The following B3GALT1 variants were observed in gnomAD, a reference collection of about 807,000 sequenced individuals.
The protein encoded by B3GALT1 is UDP-Gal:betaGlcNAc beta 1,3-galactosyltransferase, polypeptide 1.
B3GALT1 carries 10 observed loss-of-function variants against 23.2 expected under a neutral mutation model. That is an observed-to-expected ratio of 0.43 (90% CI 0.27 to 0.73). The LOEUF (loss-of-function observed/expected upper bound fraction) is 0.73. Ranked by LOEUF, B3GALT1 falls within the 30% of genes least tolerant of loss-of-function variation. B3GALT1 has a pLI of 0.21. For missense variants in B3GALT1, 299 were observed against 405.4 expected (o/e 0.74, Z 2.25); for synonymous variants, 156 against 141.5 (o/e 1.10, Z -0.73).
intron 4 of B3GALT1, among the ~76,000 whole-genome samples, chr2:167,846,353 C>T (rs1028790725): frequency 6.6e-6 from 1 of 152,150 alleles, no homozygotes; most frequent in African/African-American, 2.4e-5. Context: ...GAGACAGAAG[C>T]ACCAGGTAAC....
Position 167,850,356 on chromosome 2 carries a change from C to T in B3GALT1, c.-229-18455C>T, listed in dbSNP as rs369250620. On this transcript the variant is annotated intron_variant, in intron 4 of 4. Transcript: ENST00000392690. ...GAACCACAATGTCATACTACCTTACCTCTGCAAAAATGGCCATAATCAAAA... is the reference window on the plus strand; with the variant it reads ...GAACCACAATGTCATACTACCTTACTTCTGCAAAAATGGCCATAATCAAAA... Among the ~76,000 whole-genome samples, 170 of 152,224 alleles carry T rather than the reference C, an allele frequency of 1.1e-3. 2 individuals carry two copies. In the South Asian group the frequency reaches 0.035, roughly 31 times the overall value.
intron 3 of B3GALT1, among the ~76,000 whole-genome samples, chr2:167,687,663 T>C (rs1047390599): frequency 6.6e-6 from 1 of 152,110 alleles, no homozygotes; most frequent in African/African-American, 2.4e-5. Context: ...ACAAATATGC[T>C]TCCTTACAAA....
At chr2:167,442,340 C>T (rs1341497143) in intron 1 of B3GALT1, among the ~76,000 whole-genome samples, 1 of 152,094 alleles carries the variant, frequency 6.6e-6, no homozygotes, top group African/African-American at 2.4e-5. Context: ...AATAAACATA[C>T]GTGTGCATGT....
intron 1 of B3GALT1, among the ~76,000 whole-genome samples, chr2:167,354,741 A>G (rs1472017294): frequency 6.6e-6 from 1 of 152,130 alleles, no homozygotes; most frequent in Non-Finnish European, 1.5e-5. Context: ...GATCCCATTT[A>G]AAGGGCTTTA....
intron 2 of B3GALT1, among the ~76,000 whole-genome samples, chr2:167,634,445 A>G (rs142208595): frequency 4.3e-4 from 65 of 152,246 alleles, no homozygotes; most frequent in African/African-American, 1.5e-3. Flanking sequence ...AAATTGATAG[A>G]CCGCTAACCA....
At chr2:167,847,053 A>G (rs888595352) in intron 4 of B3GALT1, among the ~76,000 whole-genome samples, 5 of 152,342 alleles carry the variant, frequency 3.3e-5, no homozygotes, top group African/African-American at 9.6e-5. Context: ...ACAGCAAAAT[A>G]TCACAATCCT....
intron 1 of B3GALT1, among the ~76,000 whole-genome samples, chr2:167,361,357 C>G (rs991981833): frequency 2.6e-5 from 4 of 151,602 alleles, no homozygotes; most frequent in African/African-American, 7.3e-5. Context: ...TATGACCAGT[C>G]GTATCGTAAG....
chr2:167,797,479 T>G (rs1394433308), intron 3 of B3GALT1, among the ~76,000 whole-genome samples: 1 of 152,206 alleles, frequency 6.6e-6, no homozygotes, highest in Non-Finnish European at 1.5e-5. Context: ...TTTATATTCC[T>G]TTGGGTATAT....
intron 1 of B3GALT1, among the ~76,000 whole-genome samples, chr2:167,367,344 G>T (rs1403897): frequency 6.6e-6 from 1 of 152,072 alleles, no homozygotes; most frequent in South Asian, 2.1e-4. Context: ...ACCTCAACTA[G>T]ATCTTTCCAG....
intron 3 of B3GALT1, among the ~76,000 whole-genome samples, chr2:167,806,535 T>A (rs1388498153): frequency 6.6e-6 from 1 of 152,236 alleles, no homozygotes; most frequent in Non-Finnish European, 1.5e-5. Context: ...GAAGGGCTGT[T>A]GAATTTTGTC....
chr2:167,413,869 T>C (rs1223704366), intron 1 of B3GALT1, among the ~76,000 whole-genome samples: 1 of 152,090 alleles, frequency 6.6e-6, no homozygotes, highest in African/African-American at 2.4e-5. Flanking sequence ...TACTTAAAGT[T>C]TTTTCTTCTT....
chr2:167,570,868 C>CT (rs1357157307), intron 2 of B3GALT1, among the ~76,000 whole-genome samples: 1 of 151,912 alleles, frequency 6.6e-6, no homozygotes, highest in Non-Finnish European at 1.5e-5. Context: ...ATTAGCAAAT[C>CT]TACTTCTTGA....
At chr2:167,736,028 C>A in intron 3 of B3GALT1, among the ~76,000 whole-genome samples, 1 of 152,132 alleles carries the variant, frequency 6.6e-6, no homozygotes, top group Non-Finnish European at 1.5e-5. Context: ...AATATTGATA[C>A]CTCTGTTTTA....
Position 167,545,664 on chromosome 2 carries a change from AAG to A in B3GALT1, c.-410+55388_-410+55389del, listed in dbSNP as rs1683624989. 2.0e-5 allele frequency among the ~76,000 whole-genome samples: 3 copies of A among 152,200 alleles called. No homozygotes were observed. The South Asian group carries it at 6.2e-4, about 32-fold the overall frequency. On this transcript the variant is annotated intron_variant, in intron 2 of 4. Coordinates refer to ENST00000392690, the MANE Select transcript of B3GALT1 (RefSeq NM_020981.4). The stretch of plus-strand genomic sequence containing the variant: ...CACTTCAGACACCAGCCACAAGTTC[AAG>A]GGTCCCCAGGGCACCCTCACTTCAG...
In B3GALT1 at chr2:167,699,443, A is replaced by G. The variant is rs1180756046; in HGVS notation, c.-352+52477A>G. 2.7e-5 allele frequency among the ~76,000 whole-genome samples: 4 copies of G among 146,698 alleles called. No homozygotes were observed. In the East Asian group the frequency reaches 8.1e-4, roughly 30 times the overall value. On this transcript the variant is annotated intron_variant, in intron 3 of 4. Transcript: ENST00000392690. ...TTAACTAAAACCCCAATTAACCACA[A>G]CATTACATACTCTCCTTTAGTTGAA...
At chr2:167,529,635 C>T (rs1018269650) in intron 2 of B3GALT1, among the ~76,000 whole-genome samples, 1 of 151,582 alleles carries the variant, frequency 6.6e-6, no homozygotes, top group African/African-American at 2.4e-5. Flanking sequence ...CAGTTGCTAG[C>T]ACCTCCGTCT....
At chr2:167,339,807 A>G (rs1204683850) in intron 1 of B3GALT1, among the ~76,000 whole-genome samples, 2 of 152,142 alleles carry the variant, frequency 1.3e-5, no homozygotes, top group Admixed American at 1.3e-4. Context: ...AGCAAGCAGA[A>G]CTTTTCAGAA....
chr2:167,755,944 C>T (rs1445623656), intron 3 of B3GALT1, among the ~76,000 whole-genome samples: 1 of 151,994 alleles, frequency 6.6e-6, no homozygotes, highest in African/African-American at 2.4e-5. Flanking sequence ...CACTGCACTC[C>T]AGCCTGGGCA....
intron 3 of B3GALT1, among the ~76,000 whole-genome samples, chr2:167,808,131 C>CT (rs1483614763): frequency 6.6e-6 from 1 of 151,302 alleles, no homozygotes; most frequent in African/African-American, 2.4e-5. Context: ...CAACCCCTGC[C>CT]TTTTTTTGTT....
Sources: gnomAD v4.1 joint callset for allele counts (sites outside exome capture counted in the v4.1 genomes callset) on GRCh38, gnomAD v4.1.1 for gene constraint, MANE v1.5 for transcripts, NCBI Gene and HGNC (gene_info 2026-07-23, HGNC 2026-07-21) for gene names.